FBXL19: variants seen among roughly 807,000 people sequenced by gnomAD.
The protein encoded by FBXL19 is F-box and leucine rich repeat protein 19, also known as F-box/LRR-repeat protein 19.
FBXL19 carries 16 observed loss-of-function variants against 71.2 expected under a neutral mutation model. The observed-to-expected ratio is 0.22, with a 90% CI of 0.15 to 0.34. FBXL19 has a LOEUF of 0.34. FBXL19 is among the 10% of genes least tolerant of loss of function. FBXL19 has a pLI of 1.00. For synonymous variants in FBXL19, 447 were observed against 409.4 expected (o/e 1.09, Z -1.11); for missense variants, 658 against 968.2 (o/e 0.68, Z 4.25).
At chr16:30,924,562 C>A in intron 1 of FBXL19, 103 bp downstream of exon 1, 3 of 1,335,036 alleles carry the variant, frequency 2.2e-6, no homozygotes, top group South Asian at 2.0e-5. Flanking sequence ...CAGCCTCACC[C>A]TCTCTCTACT....
Position 30,925,621 on chromosome 16 carries a change from C to A in FBXL19, c.-24-110C>A. The A allele has an allele frequency of 8.2e-7, 1 of 1,219,392 alleles. No individual in the cohort carries two copies. Among genetic ancestry groups the A allele is most frequent in the Non-Finnish European group, 1.1e-6 (1 of 938,390 alleles). The allele number at this position is 1,219,392 out of a possible 1,614,324, so 75.5% of individuals were successfully genotyped here. On this transcript the variant is annotated intron_variant, in intron 1 of 10. Transcript: ENST00000338343. This position sits in a 1 kb window ranked among gnomAD's most constrained non-coding sequence, Gnocchi z 5.0. Reference sequence around the variant, plus strand: ...CAGAAGGGGGTGACCTCCTTGTCCCCCTGAGGAAGAGGGCAGGCTCTAGCT... The same window carrying A: ...CAGAAGGGGGTGACCTCCTTGTCCCACTGAGGAAGAGGGCAGGCTCTAGCT...
At chr16:30,922,935 G>A (rs2055539037), upstream of FBXL19, 1 of 411,596 alleles carries the variant, frequency 2.4e-6, no homozygotes, top group African/African-American at 2.0e-5. Flanking sequence ...CATCTTTACG[G>A]TAGTCTCCTC....
In FBXL19 at chr16:30,930,704, T is replaced by G; in HGVS notation, c.1301+120T>G. On this transcript the variant is annotated intron_variant, in intron 7 of 10. Coordinates refer to ENST00000338343, the MANE Select transcript of FBXL19 (RefSeq NM_001382779.1). This position sits in a 1 kb window ranked among gnomAD's most constrained non-coding sequence, Gnocchi z 8.5. ...TTTTATATTGGGGATACTTCTCTAG[T>G]ATGCACAGATTACAGTGCATCCTTC... The G allele has an allele frequency of 9.2e-7, 1 of 1,090,882 alleles. No homozygotes were observed. The highest frequency in any genetic ancestry group is 1.2e-6 in the Non-Finnish European group (1 of 824,388). The allele number at this position is 1,090,882 out of a possible 1,614,324, so 67.6% of individuals were successfully genotyped here. A position where few individuals can be genotyped will look rare whatever the true frequency, so the allele number is the denominator to read the frequency against.
Position 30,939,687 on chromosome 16 carries a change from G to A in FBXL19, c.1302-2429G>A, listed in dbSNP as rs532410109. 1.3e-4 allele frequency among the ~76,000 whole-genome samples: 20 copies of A among 151,872 alleles called. No homozygotes were observed. The South Asian group carries it at 2.7e-3, about 21-fold the overall frequency. ...CCCACCTCGGCCTCCCAAAGTGCTG[G>A]GATTACACGCATGAGCCACCGCGCC... On this transcript the variant is annotated intron_variant, in intron 7 of 10. Coordinates refer to ENST00000338343, the MANE Select transcript of FBXL19 (RefSeq NM_001382779.1).
intron 7 of FBXL19, among the ~76,000 whole-genome samples, chr16:30,931,723 C>A (rs191388344): frequency 9.2e-4 from 140 of 152,092 alleles, no homozygotes; most frequent in African/African-American, 3.2e-3. Context: ...GTGACAGAAT[C>A]TTTTTATTTT....
chr16:30,936,435 A>T (rs890952601), intron 7 of FBXL19, among the ~76,000 whole-genome samples: 190 of 131,456 alleles, frequency 1.4e-3, no homozygotes, highest in Non-Finnish European at 7.1e-4. Context: ...TCTGGGCCTC[A>T]TTTTTTTTTT....
intron 7 of FBXL19, among the ~76,000 whole-genome samples, chr16:30,931,259 C>T (rs866322700): frequency 2.6e-5 from 4 of 152,084 alleles, no homozygotes; most frequent in South Asian, 2.1e-4. Context: ...TATGAAACTC[C>T]CACAGCACTC....
intron 1 of FBXL19, 96 bp downstream of exon 1, chr16:30,924,555 C>T (rs1363972860): frequency 1.3e-5 from 17 of 1,316,960 alleles, no homozygotes; most frequent in Non-Finnish European, 1.4e-5. Flanking sequence ...CCGCCCCCAG[C>T]CTCACCCTCT....
In FBXL19 at chr16:30,942,235, G is replaced by C; in HGVS notation, c.1421G>C (p.Gly474Ala). The C allele has an allele frequency of 6.3e-7, 1 of 1,594,308 alleles. No individual in the cohort carries two copies. The highest frequency in any genetic ancestry group is 8.5e-7 in the Non-Finnish European group (1 of 1,170,602). Reference protein sequence around the residue: ...QPRALDLSWTGVSKKQLMWLL... With the variant: ...QPRALDLSWTAVSKKQLMWLL... ...CGTGCCCTGGACCTCAGCTGGACAG[G>C]TGTCTCCAAGAAGCAGCTCATGTGG... Residue 474 changes from glycine (G) to alanine (A), a missense_variant, in exon 8 of 11, where the codon GGT becomes GCT. Gly to Ala is a moderately conservative substitution (Grantham distance 60). Around this residue, in one of 8 missense-constraint regions of FBXL19, gnomAD observed 38 missense variants for 92.3 expected, o/e 0.41. Coordinates refer to ENST00000338343, the MANE Select transcript of FBXL19 (RefSeq NM_001382779.1). The surrounding 1 kb of genome is among the most constrained non-coding windows in gnomAD (Gnocchi z 5.7).
chr16:30,929,298 C>T (rs2055641733), intron 6 of FBXL19, among the ~76,000 whole-genome samples: 1 of 152,176 alleles, frequency 6.6e-6, no homozygotes, highest in Non-Finnish European at 1.5e-5. Context: ...GCCCAGGTCA[C>T]CACTGTGTTA....
chr16:30,939,744 G>C (rs1224022879), intron 7 of FBXL19, among the ~76,000 whole-genome samples: 1 of 152,056 alleles, frequency 6.6e-6, no homozygotes, highest in Non-Finnish European at 1.5e-5. Flanking sequence ...GTGCAAAGAG[G>C]AGATGATTCA....
At chr16:30,923,295 G>A, upstream of FBXL19, 1 of 438,594 alleles carries the variant, frequency 2.3e-6, no homozygotes, top group Non-Finnish European at 4.7e-6. Context: ...TCGGGGCAAC[G>A]GGACTCTAAC....
Position 30,927,548 on chromosome 16 carries a change from C to G in FBXL19, c.322-25C>G, listed in dbSNP as rs1197754785. On this transcript the variant is annotated intron_variant, in intron 3 of 10. Coordinates refer to ENST00000338343, the MANE Select transcript of FBXL19 (RefSeq NM_001382779.1). ...GGCTCTGGGCTTCCTGGCCAACCCC[C>G]CACTCACTGCCCTCCTGCCTACAGA... 15 of 1,554,622 alleles carry G rather than the reference C, an allele frequency of 9.6e-6. No homozygotes were observed. In the Admixed American group the frequency reaches 2.9e-4, roughly 30 times the overall value.
At chr16:30,941,377 G>A (rs910820963) in intron 7 of FBXL19, among the ~76,000 whole-genome samples, 48 of 152,180 alleles carry the variant, frequency 3.2e-4, no homozygotes, top group Non-Finnish European at 5.9e-5. Flanking sequence ...CTACTCAGGA[G>A]GCTGAGGTGG....
At position 30,925,808 on chromosome 16, in the gene FBXL19, C is replaced by T. The variant is rs749879100; in HGVS notation, c.54C>T (p.Arg18=). ...CCGGAGCGCGCCGACGCCGAACCCG[C>T]TGCCGCCGCTGCCGGGCCTGTGTGC... ...PGAGARRRRT[R]CRRCRACVRT... is the part of the protein sequence containing the mutation. Residue 18 remains arginine, a synonymous_variant, in exon 2 of 11, where the codon CGC becomes CGT. Transcript: ENST00000338343. The surrounding 1 kb of genome is among the most constrained non-coding windows in gnomAD (Gnocchi z 5.0). 2.0e-6 allele frequency: 3 copies of T among 1,496,048 alleles called. No individual in the cohort carries two copies. Among genetic ancestry groups the T allele is most frequent in the Non-Finnish European group, 1.8e-6 (2 of 1,125,410 alleles). The allele number at this position is 1,496,048 out of a possible 1,614,324, so 92.7% of individuals were successfully genotyped here.
rs1022537016 is a variant in FBXL19, at chr16:30,923,960, G to C, written c.-524G>C. 1 of 151,490 alleles carries C rather than the reference G, an allele frequency of 6.6e-6. No homozygotes were observed. Among genetic ancestry groups the C allele is most frequent in the Non-Finnish European group, 1.5e-5 (1 of 67,788 alleles). The allele number at this position is 151,490 out of a possible 1,614,324, so 9.4% of individuals were successfully genotyped here. ...GTTACAGCGACCCCCCCCTCCCCGG[G>C]AACCGGCGGTGGGCGGGCTTGAACC... On this transcript the variant is annotated 5_prime_UTR_variant, in exon 1 of 11. Transcript: ENST00000338343.
At chr16:30,934,036 A>G (rs2055704249) in intron 7 of FBXL19, among the ~76,000 whole-genome samples, 1 of 151,192 alleles carries the variant, frequency 6.6e-6, no homozygotes, top group South Asian at 2.2e-4. Context: ...TACAAGCATG[A>G]GCCACCACGC....
At position 30,925,569 on chromosome 16, in the gene FBXL19, TGAGTA is replaced by T; in HGVS notation, c.-24-158_-24-154del. 2 of 698,250 alleles carry T rather than the reference TGAGTA, an allele frequency of 2.9e-6. No individual in the cohort carries two copies. The highest frequency in any genetic ancestry group is 5.5e-5 in the South Asian group (2 of 36,560). The allele number at this position is 698,250 out of a possible 1,614,324, so 43.3% of individuals were successfully genotyped here. On this transcript the variant is annotated intron_variant, in intron 1 of 10. Coordinates refer to ENST00000338343, the MANE Select transcript of FBXL19 (RefSeq NM_001382779.1). The surrounding 1 kb of genome is among the most constrained non-coding windows in gnomAD (Gnocchi z 5.0). ...TGAGCTGCTGCAGGGAGACAGGCCT[TGAGTA>T]GAGGATTGGCCCCCAGATACACAGA...
At chr16:30,943,699 C>T (rs1385846841) in intron 9 of FBXL19, among the ~76,000 whole-genome samples, 2 of 152,022 alleles carry the variant, frequency 1.3e-5, no homozygotes, top group Admixed American at 6.6e-5. Flanking sequence ...AACAGGGTTT[C>T]ATCATGTTGT....
Sources: allele counts gnomAD v4.1 joint callset (sites outside exome capture counted in the v4.1 genomes callset), GRCh38; gene constraint gnomAD v4.1.1; regional missense constraint gnomAD v4.1.1; non-coding constraint Gnocchi (gnomAD v3.1); transcripts MANE v1.5; gene names NCBI Gene and HGNC (gene_info 2026-07-23, HGNC 2026-07-21).